NAALADL2: variants seen among roughly 807,000 people sequenced by gnomAD.
NAALADL2 encodes inactive N-acetylated-alpha-linked acidic dipeptidase-like protein 2.
NAALADL2 carries 76 observed loss-of-function variants against 87.2 expected under a neutral mutation model. The observed-to-expected ratio is 0.87, with a 90% CI of 0.72 to 1.05. The LOEUF is 1.05. Ranked by LOEUF, NAALADL2 falls within the 50% of genes least tolerant of loss-of-function variation. The probability of loss-of-function intolerance (pLI) is 0.00; values close to 1 mark genes in which losing one functional copy is unlikely to be tolerated. For missense variants in NAALADL2, 1,089 were observed against 945.8 expected, an observed-to-expected ratio of 1.15 and a Z score of -1.99; for synonymous variants, 354 against 331.0, an observed-to-expected ratio of 1.07 and a Z score of -0.75.
intron 3 of NAALADL2, among the ~76,000 whole-genome samples, chr3:174,757,268 G>A (rs1024635029): frequency 6.6e-6 from 1 of 152,162 alleles, no homozygotes; most frequent in Non-Finnish European, 1.5e-5. Flanking sequence ...GAAAGATTTT[G>A]GGTAGGTGGT....
rs1306821097 is a variant in NAALADL2 at position 175,467,065 on chromosome 3, G to A, written c.1414G>A (p.Ala472Thr). 1 of 1,613,730 alleles carries A rather than the reference G, an allele frequency of 6.2e-7. No individual in the cohort carries two copies. Among genetic ancestry groups the A allele is most frequent in the Non-Finnish European group, 8.5e-7 (1 of 1,179,818 alleles). The change falls in exon 8 of 14, where the codon GCG becomes ACG. Residue 472 changes from alanine to threonine, a missense_variant. Coordinates refer to ENST00000454872, the MANE Select transcript of NAALADL2 (RefSeq NM_207015.3). The part of the protein sequence containing the change: ...EWASSTAIIT[A>T]FIRALMSKVK... Reference sequence around the variant, plus strand: ...GGCCAGTAGTACTGCAATAATCACAGCGTTTATCCGTGCCTTGATGTCAAA... The same window carrying A: ...GGCCAGTAGTACTGCAATAATCACAACGTTTATCCGTGCCTTGATGTCAAA...
At chr3:174,599,405 T>C (rs1325727651) in intron 2 of NAALADL2, among the ~76,000 whole-genome samples, 1 of 152,150 alleles carries the variant, frequency 6.6e-6, no homozygotes, top group Admixed American at 6.6e-5. Context: ...GGTTCTTCCC[T>C]AACACATAAT....
At chr3:175,693,519 A>G (rs1413476542) in intron 11 of NAALADL2, among the ~76,000 whole-genome samples, 2 of 152,154 alleles carry the variant, frequency 1.3e-5, no homozygotes, top group African/African-American at 2.4e-5. Flanking sequence ...TCTTTTTACT[A>G]CATGCTGGGC....
At chr3:174,719,599 T>C (rs1022329824) in intron 2 of NAALADL2, among the ~76,000 whole-genome samples, 2 of 152,224 alleles carry the variant, frequency 1.3e-5, no homozygotes, top group Admixed American at 1.3e-4. Flanking sequence ...GTTGTTAGTA[T>C]ATATCATGAC....
intron 5 of NAALADL2, among the ~76,000 whole-genome samples, chr3:175,343,414 G>C (rs1182003939): frequency 6.6e-6 from 1 of 151,932 alleles, no homozygotes; most frequent in Non-Finnish European, 1.5e-5. Context: ...AGTAATTAAA[G>C]TGCTTTGCTA....
intron 11 of NAALADL2, among the ~76,000 whole-genome samples, chr3:175,641,995 G>A (rs144093546): frequency 6.1e-4 from 93 of 152,190 alleles, no homozygotes; most frequent in African/African-American, 2.0e-3. Flanking sequence ...TTATGTATTA[G>A]AGAATGATCA....
intron 1 of NAALADL2, among the ~76,000 whole-genome samples, chr3:175,006,345 A>G (rs1749016669): frequency 6.6e-6 from 1 of 152,092 alleles, no homozygotes; most frequent in South Asian, 2.1e-4. Flanking sequence ...TATATACTAT[A>G]CTTTCCTTAA....
intron 1 of NAALADL2, among the ~76,000 whole-genome samples, chr3:174,867,518 C>T (rs556496969): frequency 1.3e-5 from 2 of 152,074 alleles, no homozygotes; most frequent in African/African-American, 2.4e-5. Context: ...AGATGAAAGG[C>T]CATAGCTGAC....
chr3:175,077,705 G>A (rs1037031885), intron 1 of NAALADL2, among the ~76,000 whole-genome samples: 18 of 152,008 alleles, frequency 1.2e-4, no homozygotes, highest in Admixed American at 7.9e-4. Flanking sequence ...AATAGAGGCA[G>A]CTGCTCTTTT....
At chr3:174,820,913 A>AGCC (rs1721350983) in intron 3 of NAALADL2, among the ~76,000 whole-genome samples, 1 of 152,210 alleles carries the variant, frequency 6.6e-6, no homozygotes, top group African/African-American at 2.4e-5. Flanking sequence ...TTTCACAGAA[A>AGCC]GCCTCGTTCA....
At chr3:174,662,920 A>T (rs997275492) in intron 2 of NAALADL2, among the ~76,000 whole-genome samples, 1 of 152,180 alleles carries the variant, frequency 6.6e-6, no homozygotes, top group East Asian at 1.9e-4. Context: ...ATGTATTGAA[A>T]TCTTACGTAT....
chr3:174,661,873 G>T (rs1043872119), intron 2 of NAALADL2, among the ~76,000 whole-genome samples: 2 of 152,018 alleles, frequency 1.3e-5, no homozygotes, highest in East Asian at 3.9e-4. Context: ...CATATCTTTT[G>T]CAGAAACACA....
At chr3:175,605,650 T>TTTTGTTTTTG (rs1553931406) in intron 10 of NAALADL2, among the ~76,000 whole-genome samples, 10 of 146,316 alleles carry the variant, frequency 6.8e-5, no homozygotes, top group South Asian at 6.3e-4. Context: ...GTTTTTTTTT[T>TTTTGTTTTTG]TTTTTTAACT....
chr3:174,570,273 AG>A (rs1188541735), intron 2 of NAALADL2, among the ~76,000 whole-genome samples: 1 of 151,876 alleles, frequency 6.6e-6, no homozygotes, highest in African/African-American at 2.4e-5. Context: ...CAGGTCTTGC[AG>A]CAAAAGCTTA....
intron 2 of NAALADL2, among the ~76,000 whole-genome samples, chr3:174,554,832 G>C (rs1270719421): frequency 6.6e-6 from 1 of 152,034 alleles, no homozygotes; most frequent in Non-Finnish European, 1.5e-5. Flanking sequence ...TTTAGACTGG[G>C]CAATTTATAA....
chr3:175,460,306 A>C, intron 6 of NAALADL2: 1 of 417,714 alleles, frequency 2.4e-6, no homozygotes, highest in East Asian at 7.1e-5. Context: ...GTGAGTATGG[A>C]ATAATATAAA....
At chr3:174,505,450 AGGT>A in intron 1 of NAALADL2, among the ~76,000 whole-genome samples, 1 of 152,314 alleles carries the variant, frequency 6.6e-6, no homozygotes, top group Non-Finnish European at 1.5e-5. Flanking sequence ...ATGCCAGAGA[AGGT>A]TTAAGATTCA....
chr3:175,607,956 G>T (rs13068658), intron 10 of NAALADL2, among the ~76,000 whole-genome samples: 95,538 of 149,706 alleles, frequency 0.64, 32,413 homozygotes, highest in East Asian at 0.85. Context: ...TGAAATTTGA[G>T]AAATTTAGAA....
At chr3:175,095,423 A>G (rs535092260) in intron 1 of NAALADL2, among the ~76,000 whole-genome samples, 2 of 152,192 alleles carry the variant, frequency 1.3e-5, no homozygotes, top group Admixed American at 1.3e-4. Flanking sequence ...TCTGCCTGAC[A>G]TGCATTAGAT....
Sources: allele counts gnomAD v4.1 joint callset (sites outside exome capture counted in the v4.1 genomes callset), GRCh38; gene constraint gnomAD v4.1.1; transcripts MANE v1.5; gene names NCBI Gene and HGNC (gene_info 2026-07-23, HGNC 2026-07-21).